Variants in CDH13 observed in about 807,000 individuals in gnomAD.
The protein encoded by CDH13 is cadherin-13.
A neutral mutation model predicts 63.8 loss-of-function variants in CDH13; 24 were observed. The observed-to-expected ratio is 0.38, with a 90% CI of 0.27 to 0.53. The LOEUF (loss-of-function observed/expected upper bound fraction) is 0.53, where lower values mean the gene tolerates loss of function less well. CDH13 is among the 20% of genes least tolerant of loss of function. CDH13 has a pLI of 0.85. For missense variants in CDH13, 1,049 were observed against 903.1 expected (o/e 1.16, Z -2.07); for synonymous variants, 503 against 355.3 (o/e 1.42, Z -4.67).
chr16:82,755,098 G>C (rs1279781144), intron 1 of CDH13, among the ~76,000 whole-genome samples: 1 of 152,176 alleles, frequency 6.6e-6, no homozygotes, highest in Non-Finnish European at 1.5e-5. Flanking sequence ...ACACACATTG[G>C]CATGGGTCGA....
rs377648149 is a variant in CDH13, at chr16:82,663,870, C to T, written c.45+36733C>T. Reference sequence around the variant, plus strand: ...ACATACTATGTGAATATAGCGTGGGCTTTCTTCTTGCTCTTCAGAAAGTCT... The same window carrying T: ...ACATACTATGTGAATATAGCGTGGGTTTTCTTCTTGCTCTTCAGAAAGTCT... On this transcript the variant is annotated intron_variant, in intron 1 of 13. Transcript: ENST00000567109. Among the ~76,000 whole-genome samples the T allele has an allele frequency of 3.9e-5, 6 of 152,278 alleles. No individual in the cohort carries two copies. The East Asian group carries it at 1.2e-3, about 30-fold the overall frequency.
intron 3 of CDH13, among the ~76,000 whole-genome samples, chr16:83,114,564 C>G (rs371628179): frequency 8.5e-4 from 130 of 152,326 alleles, no homozygotes; most frequent in South Asian, 5.4e-3. Flanking sequence ...ATTTCTATAT[C>G]ACCACATTTT....
intron 1 of CDH13, among the ~76,000 whole-genome samples, chr16:82,838,453 C>T (rs4354927): frequency 0.31 from 46,507 of 152,032 alleles, 8,556 homozygotes; most frequent in East Asian, 0.81. Flanking sequence ...AGCCCCCACA[C>T]CCTTCCTGTT....
chr16:83,200,575 TC>T (rs1330575888), intron 4 of CDH13, among the ~76,000 whole-genome samples: 12 of 152,174 alleles, frequency 7.9e-5, no homozygotes, highest in Admixed American at 2.0e-4. Context: ...CACAACATGA[TC>T]TCATTAGGAG....
intron 10 of CDH13, among the ~76,000 whole-genome samples, chr16:83,746,134 G>C (rs1321078532): frequency 6.6e-6 from 1 of 152,184 alleles, no homozygotes; most frequent in Non-Finnish European, 1.5e-5. Flanking sequence ...AAACATGGAG[G>C]CTAGAAATTT....
At position 82,721,483 on chromosome 16, in the gene CDH13, A is replaced by G. The variant is rs16958346; in HGVS notation, c.45+94346A>G. ...GATAGGTATGGGCACATGGAAGGTC[A>G]TGGAACTGGCCAGTCACCCAGTGAG... is the stretch of plus-strand genomic sequence containing the variant. On this transcript the variant is annotated intron_variant, in intron 1 of 13. Transcript: ENST00000567109. 4.7e-3 allele frequency among the ~76,000 whole-genome samples: 719 copies of G among 152,266 alleles called. 5 individuals are homozygous for G. The highest frequency in any genetic ancestry group is 0.017 in the African/African-American group (690 of 41,552).
chr16:83,023,027 A>T (rs759437354), intron 2 of CDH13: 1 of 152,242 alleles, frequency 6.6e-6, no homozygotes. Context: ...TAGGAAATCT[A>T]TGCCTTTTGG....
At chr16:83,051,439 C>A (rs2030327323) in intron 3 of CDH13, among the ~76,000 whole-genome samples, 1 of 152,168 alleles carries the variant, frequency 6.6e-6, no homozygotes, top group Non-Finnish European at 1.5e-5. Context: ...ATATTTTTAG[C>A]CAAACAAATG....
At chr16:82,933,568 A>G (rs1416348677) in intron 2 of CDH13, among the ~76,000 whole-genome samples, 2 of 152,198 alleles carry the variant, frequency 1.3e-5, no homozygotes, top group Non-Finnish European at 2.9e-5. Flanking sequence ...CCTTCCCAAC[A>G]GTTTCCCAAA....
At chr16:82,677,337 T>G (rs1018281793) in intron 1 of CDH13, among the ~76,000 whole-genome samples, 1 of 152,208 alleles carries the variant, frequency 6.6e-6, no homozygotes, top group Non-Finnish European at 1.5e-5. Context: ...TTTATACCTC[T>G]TCTTCCTAGC....
At chr16:83,652,626 A>G (rs1912494326) in intron 8 of CDH13, among the ~76,000 whole-genome samples, 1 of 152,172 alleles carries the variant, frequency 6.6e-6, no homozygotes, top group South Asian at 2.1e-4. Context: ...TCATTCTCAA[A>G]TATTGCCTTT....
At chr16:83,711,067 C>T (rs577912609) in intron 10 of CDH13, among the ~76,000 whole-genome samples, 7 of 152,174 alleles carry the variant, frequency 4.6e-5, no homozygotes, top group Non-Finnish European at 5.9e-5. Flanking sequence ...CCTTGCTACA[C>T]GCCACCACCT....
chr16:82,718,582 A>T (rs1176257757), intron 1 of CDH13, among the ~76,000 whole-genome samples: 2 of 152,208 alleles, frequency 1.3e-5, no homozygotes, highest in African/African-American at 4.8e-5. Context: ...TGATAAAGAT[A>T]TATCTAAGAC....
At chr16:83,376,470 A>T (rs1235293621) in intron 6 of CDH13, among the ~76,000 whole-genome samples, 1 of 152,212 alleles carries the variant, frequency 6.6e-6, no homozygotes, top group Non-Finnish European at 1.5e-5. Flanking sequence ...ATAAATAGAT[A>T]GCTAGTATGC....
At chr16:83,285,678 C>A (rs111655544) in intron 5 of CDH13, among the ~76,000 whole-genome samples, 2 of 152,030 alleles carry the variant, frequency 1.3e-5, no homozygotes, top group Non-Finnish European at 2.9e-5. Context: ...GATACTTTGC[C>A]GCTTTATATA....
rs181500772 is a variant in CDH13, at chr16:82,969,348, A to T, written c.158-62662A>T. 3.1e-3 allele frequency among the ~76,000 whole-genome samples: 468 copies of T among 152,188 alleles called. 2 individuals are homozygous for T. Among genetic ancestry groups the T allele is most frequent in the Middle Eastern group, 0.014 (4 of 294 alleles). On this transcript the variant is annotated intron_variant, in intron 2 of 13. Transcript: ENST00000567109. ...AATAGAACTTTATTCATATAAATAGACGTGGGGCTGAATTTTACCCTAGGG... is the reference window on the plus strand; with the variant it reads ...AATAGAACTTTATTCATATAAATAGTCGTGGGGCTGAATTTTACCCTAGGG...
Position 83,734,753 on chromosome 16 carries a change from T to A in CDH13, c.1539-13355T>A, listed in dbSNP as rs1266210515. 3.4e-5 allele frequency among the ~76,000 whole-genome samples: 5 copies of A among 149,250 alleles called. No individual in the cohort carries two copies. In the South Asian group the frequency reaches 8.4e-4, roughly 25 times the overall value. On this transcript the variant is annotated intron_variant, in intron 10 of 13. Transcript: ENST00000567109. ...ATAATAATAATAATAATAATAATAA[T>A]AAAAACAGGGATTAAAGCGGGGCAA...
At chr16:83,299,258 T>G (rs2151873919) in intron 5 of CDH13, among the ~76,000 whole-genome samples, 1 of 151,144 alleles carries the variant, frequency 6.6e-6, no homozygotes, top group Non-Finnish European at 1.5e-5. Flanking sequence ...ATTCCCTTAT[T>G]TTGGATGCTT....
intron 10 of CDH13, among the ~76,000 whole-genome samples, chr16:83,715,814 G>A (rs115149797): frequency 2.8e-4 from 42 of 152,242 alleles, no homozygotes; most frequent in Middle Eastern, 6.8e-3. Flanking sequence ...TGACAACAGC[G>A]TGTGACAAGG....
Sources: gnomAD v4.1 joint callset for allele counts (sites outside exome capture counted in the v4.1 genomes callset) on GRCh38, gnomAD v4.1.1 for gene constraint, MANE v1.5 for transcripts, NCBI Gene and HGNC (gene_info 2026-07-23, HGNC 2026-07-21) for gene names.